FOCAD: variants seen among roughly 807,000 people sequenced by gnomAD.
FOCAD encodes the protein KIAA1797.
A neutral mutation model predicts 225.6 loss-of-function variants in FOCAD; 198 were observed. The observed-to-expected ratio is 0.88, with a 90% CI of 0.78 to 0.99. The LOEUF (loss-of-function observed/expected upper bound fraction) is 0.99, where lower values mean the gene tolerates loss of function less well. FOCAD is among the 50% of genes least tolerant of loss of function. FOCAD has a pLI of 0.00. For missense variants in FOCAD, 2,713 were observed against 2,123.6 expected, an observed-to-expected ratio of 1.28 and a Z score of -5.46; for synonymous variants, 897 against 755.0, an observed-to-expected ratio of 1.19 and a Z score of -3.08.
chr9:20,982,539 C>A, intron 39 of FOCAD, 93 bp downstream of exon 39: 1 of 1,031,790 alleles, frequency 9.7e-7, no homozygotes, highest in Non-Finnish European at 1.5e-6. Flanking sequence ...GCAAGTTTTG[C>A]TTCATTTTTG....
chr9:20,902,223 C>A (rs1832617325), intron 21 of FOCAD, among the ~76,000 whole-genome samples: 3 of 151,822 alleles, frequency 2.0e-5, no homozygotes, highest in Admixed American at 2.0e-4. Context: ...AAGACAGAAT[C>A]TGTGGAGTGT....
At chr9:20,816,095 A>T (rs913325684) in intron 11 of FOCAD, among the ~76,000 whole-genome samples, 3 of 152,126 alleles carry the variant, frequency 2.0e-5, no homozygotes, top group Non-Finnish European at 4.4e-5. Context: ...AGAGGAAAAG[A>T]CACACCCTTA....
chr9:20,805,103 A>T (rs1272642961), intron 11 of FOCAD, among the ~76,000 whole-genome samples: 2 of 152,218 alleles, frequency 1.3e-5, no homozygotes, highest in Admixed American at 6.5e-5. Flanking sequence ...GTTGTGGTTT[A>T]TGTCGAAATC....
At chr9:20,749,180 T>C (rs1261933571) in intron 5 of FOCAD, among the ~76,000 whole-genome samples, 1 of 152,114 alleles carries the variant, frequency 6.6e-6, no homozygotes, top group African/African-American at 2.4e-5. Context: ...CCTGGCTCTC[T>C]AAAAGGGATT....
At chr9:20,739,775 A>T (rs1461056571) in intron 4 of FOCAD, among the ~76,000 whole-genome samples, 4 of 152,024 alleles carry the variant, frequency 2.6e-5, no homozygotes, top group Non-Finnish European at 4.4e-5. Context: ...TTAAATTGCT[A>T]TTCCCTTTCT....
At chr9:20,676,933 C>T (rs1277471554) in intron 2 of FOCAD, among the ~76,000 whole-genome samples, 1 of 152,124 alleles carries the variant, frequency 6.6e-6, no homozygotes, top group East Asian at 1.9e-4. Context: ...ATAGCCAAAG[C>T]AATCTTGAAC....
chr9:20,922,956 G>A (rs965564896), intron 24 of FOCAD, among the ~76,000 whole-genome samples: 4 of 134,264 alleles, frequency 3.0e-5, no homozygotes, highest in South Asian at 2.3e-4. Context: ...AAATTCAGAA[G>A]TCAAACTCTT....
chr9:20,748,663 A>G (rs1828277195), intron 5 of FOCAD, among the ~76,000 whole-genome samples: 1 of 152,076 alleles, frequency 6.6e-6, no homozygotes, highest in Non-Finnish European at 1.5e-5. Context: ...AGCTAGTAAT[A>G]CTTTTCAAGG....
Position 20,722,955 on chromosome 9 carries a change from G to C in FOCAD, c.287+2421G>C, listed in dbSNP as rs78307807. ...AAAAGTTAAAGTATCAGCAGCTCAT[G>C]GGGCCAATGTAGTATCTTCTGTGTA... On this transcript the variant is annotated intron_variant, in intron 4 of 43. Coordinates refer to ENST00000338382, the MANE Select transcript of FOCAD (RefSeq NM_001375567.1). Among the ~76,000 whole-genome samples the C allele has an allele frequency of 2.4e-3, 363 of 152,294 alleles. 1 individual carries two copies. The highest frequency in any genetic ancestry group is 8.2e-3 in the African/African-American group (339 of 41,564).
intron 15 of FOCAD, among the ~76,000 whole-genome samples, chr9:20,845,732 CT>C (rs1293452761): frequency 6.6e-6 from 1 of 151,918 alleles, no homozygotes; most frequent in African/African-American, 2.4e-5. Flanking sequence ...GGGAGTGCTG[CT>C]TTCTCTATAA....
chr9:20,976,648 C>T (rs752058239), intron 36 of FOCAD, 100 bp downstream of exon 36: 16 of 1,248,748 alleles, frequency 1.3e-5, no homozygotes, highest in Non-Finnish European at 1.7e-5. Flanking sequence ...ACTGGATAGA[C>T]TTTTCAGATC....
intron 35 of FOCAD, among the ~76,000 whole-genome samples, chr9:20,961,675 CT>C (rs1838743817): frequency 1.3e-5 from 2 of 152,114 alleles, no homozygotes; most frequent in African/African-American, 2.4e-5. Flanking sequence ...TTGTAACTCC[CT>C]TCTCTGACAG....
intron 15 of FOCAD, among the ~76,000 whole-genome samples, chr9:20,824,043 G>C (rs918208135): frequency 1.3e-5 from 2 of 152,028 alleles, no homozygotes; most frequent in African/African-American, 4.8e-5. Flanking sequence ...CATTTCAGCA[G>C]GCAGTGAACA....
intron 3 of FOCAD, among the ~76,000 whole-genome samples, 171 bp downstream of exon 3, chr9:20,718,039 C>A (rs1825477851): frequency 6.6e-6 from 1 of 151,874 alleles, no homozygotes; most frequent in Non-Finnish European, 1.5e-5. Context: ...TAATATATAG[C>A]AATAAAAAAG....
intron 8 of FOCAD, 69 bp from the exon 9 acceptor site, chr9:20,778,612 A>T (rs1284371089): frequency 1.4e-5 from 11 of 780,262 alleles, no homozygotes; most frequent in Non-Finnish European, 4.5e-6. Flanking sequence ...TTCTTCCTGG[A>T]TACATGTTAC....
chr9:20,764,933 C>T lies in FOCAD; in HGVS notation c.559C>T (p.Gln187Ter). 1 of 1,614,116 alleles carries T rather than the reference C, an allele frequency of 6.2e-7. No homozygotes were observed. Residue 187 changes from glutamine to a stop codon, truncating the protein, a stop_gained, in exon 7 of 44, where the codon CAG becomes TAG. Coordinates refer to ENST00000338382, the MANE Select transcript of FOCAD (RefSeq NM_001375567.1). LOFTEE classifies it high-confidence loss of function. ...GTGGTATCTGTATTGTGAACCATCT[C>T]AGTTACAAGAATATGCTAAACTCCG... ...FLWYLYCEPS[Q>*]LQEYAKLRLA...
intron 5 of FOCAD, among the ~76,000 whole-genome samples, chr9:20,752,220 T>A (rs1382034154): frequency 2.6e-5 from 4 of 152,006 alleles, no homozygotes; most frequent in African/African-American, 7.3e-5. Flanking sequence ...GTTTTAGACA[T>A]GAAGTCCTTG....
chr9:20,819,253 A>G (rs535184326), intron 11 of FOCAD, among the ~76,000 whole-genome samples: 9 of 152,218 alleles, frequency 5.9e-5, no homozygotes, highest in Non-Finnish European at 1.2e-4. Flanking sequence ...TTGCTCTGTC[A>G]TCTAGGCTGG....
intron 5 of FOCAD, among the ~76,000 whole-genome samples, chr9:20,749,385 A>C (rs1828345966): frequency 6.6e-6 from 1 of 152,140 alleles, no homozygotes; most frequent in Non-Finnish European, 1.5e-5. Context: ...TTTGTCTTAA[A>C]ATTGTGTTGT....
Sources: gnomAD v4.1 joint callset for allele counts (sites outside exome capture counted in the v4.1 genomes callset) on GRCh38, gnomAD v4.1.1 for gene constraint, MANE v1.5 for transcripts, NCBI Gene and HGNC (gene_info 2026-07-23, HGNC 2026-07-21) for gene names.